ZNF267: variants seen among roughly 807,000 people sequenced by gnomAD.
ZNF267 encodes the protein zinc finger protein 267.
ZNF267 carries 61 observed loss-of-function variants against 71.6 expected under a neutral mutation model. The observed-to-expected ratio is 0.85, with a 90% CI of 0.69 to 1.05. ZNF267 has a LOEUF of 1.05. ZNF267 is among the 50% of genes least tolerant of loss of function. The pLI, the probability that ZNF267 is intolerant of heterozygous loss-of-function variation, is 0.00. For missense variants in ZNF267, 852 were observed against 870.0 expected, an observed-to-expected ratio of 0.98 and a Z score of 0.26; for synonymous variants, 288 against 293.2, an observed-to-expected ratio of 0.98 and a Z score of 0.18.
intron 3 of ZNF267, among the ~76,000 whole-genome samples, chr16:31,899,656 C>T (rs1488276425): frequency 1.3e-5 from 2 of 151,860 alleles, no homozygotes; most frequent in Admixed American, 1.3e-4. Flanking sequence ...CTTAAAATTA[C>T]ATAGTGAAAG....
rs2083916225 is a variant in ZNF267 at position 31,885,240 on chromosome 16, AG to A, written c.211del (p.Val71Ter). The A allele has an allele frequency of 6.2e-7, 1 of 1,607,464 alleles. No individual in the cohort carries two copies. The highest frequency in any genetic ancestry group is 1.7e-5 in the Admixed American group (1 of 59,830). On this transcript the variant is annotated frameshift_variant, in exon 3 of 4. Coordinates refer to ENST00000300870, the MANE Select transcript of ZNF267 (RefSeq NM_003414.6). LOFTEE classifies it high-confidence loss of function. ...EPWNVKSEET[V>X]AIQPDVFSHY... ...CTTGGAATGTGAAGAGTGAGGAGAC[AG>A]TAGCCATCCAGCCAGGTAGGTGGGA...
At chr16:31,896,950 A>G (rs577101393) in intron 3 of ZNF267, among the ~76,000 whole-genome samples, 1 of 152,064 alleles carries the variant, frequency 6.6e-6, no homozygotes, top group African/African-American at 2.4e-5. Flanking sequence ...TTTTTCATCC[A>G]TGCTTTGTAG....
At chr16:31,906,471 C>T (rs931385653) in intron 3 of ZNF267, among the ~76,000 whole-genome samples, 1 of 152,208 alleles carries the variant, frequency 6.6e-6, no homozygotes, top group African/African-American at 2.4e-5. Context: ...CAAGCCTGGG[C>T]AATGGTGGGC....
chr16:31,874,056 C>A, intron 1 of ZNF267, 87 bp downstream of exon 1: 2 of 1,474,476 alleles, frequency 1.4e-6, no homozygotes, highest in South Asian at 1.2e-5. Context: ...ACCCGGGCCT[C>A]CCCGCAGTCA....
At chr16:31,876,862 C>T (rs1196921307) in intron 1 of ZNF267, among the ~76,000 whole-genome samples, 1 of 152,162 alleles carries the variant, frequency 6.6e-6, no homozygotes, top group Non-Finnish European at 1.5e-5. Context: ...CCAGTTAGTT[C>T]TTCCAGGGGA....
At chr16:31,874,161 G>T in intron 1 of ZNF267, 192 bp downstream of exon 1, 2 of 614,040 alleles carry the variant, frequency 3.3e-6, no homozygotes, top group Non-Finnish European at 5.7e-6. Context: ...CCGGGACCCC[G>T]CGTGTCCTGT....
intron 3 of ZNF267, among the ~76,000 whole-genome samples, chr16:31,905,723 G>T (rs958646966): frequency 6.6e-6 from 1 of 151,940 alleles, no homozygotes; most frequent in Non-Finnish European, 1.5e-5. Context: ...TCTTTGCCAT[G>T]GGTTCGAACT....
chr16:31,914,860 A>G lies in ZNF267; in HGVS notation c.611A>G (p.Asn204Ser). 2 of 1,611,506 alleles carry G rather than the reference A, an allele frequency of 1.2e-6. No individual in the cohort carries two copies. The highest frequency in any genetic ancestry group is 1.7e-6 in the Non-Finnish European group (2 of 1,179,344). The change falls in exon 4 of 4, where the codon AAT becomes AGT. Residue 204 changes from asparagine to serine, a missense_variant. By Grantham distance (46) the Asn-to-Ser change is conservative. Transcript: ENST00000300870. ...TTATTTAGGCAGGTCTCTACTCTAAATAGTTACCGAAATGTTTTTATTGGA... is the reference window on the plus strand; with the variant it reads ...TTATTTAGGCAGGTCTCTACTCTAAGTAGTTACCGAAATGTTTTTATTGGA... ...SVLFRQVSTL[N>S]SYRNVFIGEK... is the part of the protein sequence containing the mutation.
At chr16:31,900,957 C>T (rs528457522) in intron 3 of ZNF267, among the ~76,000 whole-genome samples, 4 of 152,060 alleles carry the variant, frequency 2.6e-5, no homozygotes, top group African/African-American at 7.3e-5. Context: ...CCTCTCCCCC[C>T]ACCCCACAAC....
At chr16:31,913,600 C>T (rs1877850145) in intron 3 of ZNF267, 1 of 152,224 alleles carries the variant, frequency 6.6e-6, no homozygotes, top group African/African-American at 2.4e-5. Context: ...GTATTGAAGT[C>T]AGAAGCCTTA....
chr16:31,874,473 G>A (rs2083837936), intron 1 of ZNF267, among the ~76,000 whole-genome samples: 1 of 152,222 alleles, frequency 6.6e-6, no homozygotes, highest in Non-Finnish European at 1.5e-5. Context: ...TTGAAGGAAA[G>A]GTTTTTATAA....
chr16:31,884,632 TA>T lies in ZNF267; in HGVS notation c.130+10del, dbSNP rs771581669. ...GAAACCTGGTCTCTCTGGGTGAGGA[TA>T]ACTTGCCTTCGGAATATCTAATAAC... On this transcript the variant is annotated intron_variant, in intron 2 of 3. Coordinates refer to ENST00000300870, the MANE Select transcript of ZNF267 (RefSeq NM_003414.6). 8 of 1,607,250 alleles carry T rather than the reference TA, an allele frequency of 5.0e-6. No individual in the cohort carries two copies. Among genetic ancestry groups the T allele is most frequent in the Non-Finnish European group, 6.8e-6 (8 of 1,177,640 alleles).
intron 1 of ZNF267, chr16:31,875,057 A>AT: frequency 8.3e-7 from 1 of 1,209,102 alleles, no homozygotes. Flanking sequence ...CTGCAAAAAA[A>AT]ACTGTGCCTC....
At position 31,915,589 on chromosome 16, in the gene ZNF267, G is replaced by A. The variant is rs542618323; in HGVS notation, c.1340G>A (p.Arg447His). 2.4e-5 allele frequency: 39 copies of A among 1,613,080 alleles called. No individual in the cohort carries two copies. Among genetic ancestry groups the A allele is most frequent in the Admixed American group, 6.7e-5 (4 of 59,944 alleles). ...KCKECGKAFN[R>H]SSCLTQHQTT... Reference sequence around the variant, plus strand: ...AAAGAATGTGGAAAAGCTTTTAACCGTAGTTCATGCCTTACTCAACATCAG... The same window carrying A: ...AAAGAATGTGGAAAAGCTTTTAACCATAGTTCATGCCTTACTCAACATCAG... The change falls in exon 4 of 4, where the codon CGT (arginine) becomes CAT (histidine). Residue 447 changes from arginine (R) to histidine (H), a missense_variant. By Grantham distance (29) the Arg-to-His change is conservative. Transcript: ENST00000300870.
chr16:31,887,612 C>G (rs774076118), intron 3 of ZNF267, among the ~76,000 whole-genome samples: 1 of 152,102 alleles, frequency 6.6e-6, no homozygotes, highest in Non-Finnish European at 1.5e-5. Flanking sequence ...TGACTACTTT[C>G]TTTCAGCATT....
intron 3 of ZNF267, among the ~76,000 whole-genome samples, chr16:31,892,115 A>G (rs903020793): frequency 4.6e-5 from 7 of 152,160 alleles, no homozygotes; most frequent in African/African-American, 7.2e-5. Flanking sequence ...GTAATTTACA[A>G]AAGAAAGAGG....
intron 3 of ZNF267, chr16:31,912,944 A>G (rs1386194778): frequency 1.4e-5 from 2 of 148,126 alleles, no homozygotes; most frequent in African/African-American, 2.7e-5. Context: ...CCTCAACACA[A>G]CTATGTTGAA....
Position 31,916,140 on chromosome 16 carries a change from C to G in ZNF267, c.1891C>G (p.Pro631Ala), listed in dbSNP as rs1182433288. The change falls in exon 4 of 4, where the codon CCC (proline) becomes GCC (alanine). Residue 631 changes from proline (P) to alanine (A), a missense_variant. Transcript: ENST00000300870. ...TCGGAGAATTCATACTGGCCAGAGA[C>G]CCTACAAATGTGAAGAATGTGGCAA... ...QHRRIHTGQRPYKCEECGKAF... is the reference protein window; with the variant it reads ...QHRRIHTGQRAYKCEECGKAF... The G allele has an allele frequency of 6.2e-6, 10 of 1,614,050 alleles. No individual in the cohort carries two copies. Among genetic ancestry groups the G allele is most frequent in the Non-Finnish European group, 8.5e-6 (10 of 1,180,028 alleles).
chr16:31,915,530 G>A lies in ZNF267; in HGVS notation c.1281G>A (p.Lys427=). 1 of 1,612,824 alleles carries A rather than the reference G, an allele frequency of 6.2e-7. No individual in the cohort carries two copies. Among genetic ancestry groups the A allele is most frequent in the Non-Finnish European group, 8.5e-7 (1 of 1,179,698 alleles). ...GTAGTTCATACCTTACTAAACATAA[G>A]CGAATTCATACTGGAGAGAAACCTT... The part of the protein sequence containing the change: ...FRCSSYLTKH[K]RIHTGEKPYK... Residue 427 remains lysine (K), a synonymous_variant, in exon 4 of 4, where the codon AAG becomes AAA. Coordinates refer to ENST00000300870, the MANE Select transcript of ZNF267 (RefSeq NM_003414.6).
Sources: gnomAD v4.1 joint callset for allele counts (sites outside exome capture counted in the v4.1 genomes callset) on GRCh38, gnomAD v4.1.1 for gene constraint, MANE v1.5 for transcripts, NCBI Gene and HGNC (gene_info 2026-07-23, HGNC 2026-07-21) for gene names.